Variants in ACADSB observed in about 807,000 individuals in gnomAD.
The protein encoded by ACADSB is acyl-CoA dehydrogenase short/branched chain.
Under a neutral mutation model 54.1 loss-of-function variants are expected in ACADSB, and 40 were observed. That is an observed-to-expected ratio of 0.74 (90% CI 0.57 to 0.96). The LOEUF (loss-of-function observed/expected upper bound fraction) is 0.96, where lower values mean the gene tolerates loss of function less well. Among genes scored for constraint, ACADSB ranks in the 40% least tolerant of loss-of-function variants. The pLI is 0.00. For missense variants in ACADSB, 530 were observed against 510.4 expected (o/e 1.04, Z -0.37); for synonymous variants, 182 against 182.8 (o/e 1.00, Z 0.03).
rs1162914598 is a variant in ACADSB at position 123,041,299 on chromosome 10, C to T, written c.601C>T (p.Leu201Phe). 3 of 1,614,142 alleles carry T rather than the reference C, an allele frequency of 1.9e-6. No homozygotes were observed. In the East Asian group the frequency reaches 6.7e-5, roughly 36 times the overall value. Reference protein sequence around the residue: ...RADKEGDYYVLNGSKMWISSA... With the variant: ...RADKEGDYYVFNGSKMWISSA... ...TGATAAAGAGGGAGATTATTATGTC[C>T]TCAATGGATCAAAGATGTGGATCAG... is the stretch of plus-strand genomic sequence containing the variant. Residue 201 changes from leucine (L) to phenylalanine (F), a missense_variant, in exon 5 of 11, where the codon CTC becomes TTC. Physicochemically the swap from Leu to Phe is conservative, Grantham distance 22. Transcript: ENST00000358776.
chr10:123,028,492 G>A (rs976546061), intron 1 of ACADSB, among the ~76,000 whole-genome samples: 38 of 151,576 alleles, frequency 2.5e-4, no homozygotes, highest in African/African-American at 8.9e-4. Context: ...TAGCAAGACT[G>A]TCTCTACAAA....
chr10:123,038,067 T>C (rs1850423048), intron 3 of ACADSB, among the ~76,000 whole-genome samples: 1 of 152,236 alleles, frequency 6.6e-6, no homozygotes, highest in Non-Finnish European at 1.5e-5. Context: ...GGAAGTAAGA[T>C]GGTAATTTAT....
At chr10:123,048,358 GCCTAGGAA>G (rs969448443) in intron 8 of ACADSB, among the ~76,000 whole-genome samples, 1 of 152,170 alleles carries the variant, frequency 6.6e-6, no homozygotes, top group African/African-American at 2.4e-5. Flanking sequence ...CCCATCTTAT[GCCTAGGAA>G]CCTGAAGCAC....
At chr10:123,036,576 C>A (rs1850401933) in intron 2 of ACADSB, among the ~76,000 whole-genome samples, 1 of 152,050 alleles carries the variant, frequency 6.6e-6, no homozygotes, top group South Asian at 2.1e-4. Flanking sequence ...AGCACAGAAG[C>A]AATAAAGATG....
intron 1 of ACADSB, among the ~76,000 whole-genome samples, chr10:123,015,171 C>T (rs1013848274): frequency 2.6e-5 from 4 of 152,264 alleles, no homozygotes; most frequent in Non-Finnish European, 4.4e-5. Flanking sequence ...ATGTTTACTA[C>T]TCAACACAGA....
chr10:123,018,239 G>A (rs1167931926), intron 1 of ACADSB, among the ~76,000 whole-genome samples: 1 of 152,166 alleles, frequency 6.6e-6, no homozygotes, highest in East Asian at 1.9e-4. Context: ...AAATAGAAGT[G>A]AGTGTCTGGT....
chr10:123,023,186 T>G (rs757988066), intron 1 of ACADSB, among the ~76,000 whole-genome samples: 6 of 152,238 alleles, frequency 3.9e-5, no homozygotes, highest in Non-Finnish European at 1.5e-5. Context: ...TCATTTTGTT[T>G]TGGCTGGGTT....
chr10:123,056,219 C>G lies in ACADSB; in HGVS notation c.*2454C>G. 1 of 178,988 alleles carries G rather than the reference C, an allele frequency of 5.6e-6. No individual in the cohort carries two copies. Among genetic ancestry groups the G allele is most frequent in the South Asian group, 1.3e-4 (1 of 7,466 alleles). 11.1% of individuals were successfully genotyped at this position (178,988 alleles called of 1,614,324 possible). A position where few individuals can be genotyped will look rare whatever the true frequency, so the allele number is the denominator to read the frequency against. ...TTTCACACTGCTGATAAAGACATTC[C>G]TCAAGATTGTGAAGAAAAAGAGGTT... On this transcript the variant is annotated 3_prime_UTR_variant, in exon 11 of 11. Coordinates refer to ENST00000358776, the MANE Select transcript of ACADSB (RefSeq NM_001609.4).
In ACADSB at chr10:123,057,274, T is replaced by C. The variant is rs1473657129; in HGVS notation, c.*3509T>C. The C allele has an allele frequency of 6.6e-6, 1 of 152,246 alleles. No homozygotes were observed. The highest frequency in any genetic ancestry group is 1.5e-5 in the Non-Finnish European group (1 of 68,042). The allele number at this position is 152,246 out of a possible 1,614,324, so 9.4% of individuals were successfully genotyped here. ...GAATTTATATTTATTGATCAAGTTC[T>C]AATTTGTATGTATATTTTGTGCATA... On this transcript the variant is annotated 3_prime_UTR_variant, in exon 11 of 11. Coordinates refer to ENST00000358776, the MANE Select transcript of ACADSB (RefSeq NM_001609.4).
intron 1 of ACADSB, among the ~76,000 whole-genome samples, chr10:123,025,666 G>A (rs1850242019): frequency 6.6e-6 from 1 of 151,846 alleles, no homozygotes. Context: ...TAGAAAAATG[G>A]GCAAAGAACA....
chr10:123,053,194 GT>G, intron 10 of ACADSB, 34 bp downstream of exon 10: 1 of 1,539,492 alleles, frequency 6.5e-7, no homozygotes, highest in South Asian at 1.1e-5. Context: ...ATTTTATTTT[GT>G]TTTATTTGCC....
chr10:123,033,895 C>T (rs1464737627), intron 1 of ACADSB, among the ~76,000 whole-genome samples: 1 of 152,228 alleles, frequency 6.6e-6, no homozygotes, highest in Admixed American at 6.5e-5. Context: ...TGCCTGGGCT[C>T]TCTCAGCACA....
chr10:123,045,159 ATATATATATATATTTTT>A (rs1186020146), intron 7 of ACADSB, among the ~76,000 whole-genome samples: 1 of 12,940 alleles, frequency 7.7e-5, no homozygotes, highest in Non-Finnish European at 1.4e-4. Flanking sequence ...ATATATATAT[ATATATATATATATTTTT>A]TTTTTTTTTT....
chr10:123,009,542 T>C (rs1299925555), intron 1 of ACADSB, among the ~76,000 whole-genome samples: 1 of 152,214 alleles, frequency 6.6e-6, no homozygotes, highest in Non-Finnish European at 1.5e-5. Flanking sequence ...TCCCTGTCCT[T>C]CCTTCCGCGG....
At chr10:123,009,717 C>CT (rs1564743978) in intron 1 of ACADSB, among the ~76,000 whole-genome samples, 2 of 152,200 alleles carry the variant, frequency 1.3e-5, no homozygotes, top group African/African-American at 4.8e-5. Context: ...CTTCCATGAA[C>CT]TTAAGCTGAA....
At chr10:123,038,176 C>T (rs750265715) in intron 3 of ACADSB, among the ~76,000 whole-genome samples, 2 of 152,172 alleles carry the variant, frequency 1.3e-5, no homozygotes, top group African/African-American at 4.8e-5. Flanking sequence ...ACAGCTAAGG[C>T]GTGCTACTGG....
chr10:123,020,124 A>T (rs1273323518), intron 1 of ACADSB, among the ~76,000 whole-genome samples: 2 of 152,222 alleles, frequency 1.3e-5, no homozygotes, highest in Non-Finnish European at 2.9e-5. Context: ...CTGGCTCATT[A>T]AATAGTTAAA....
At chr10:123,032,611 C>T (rs144489677) in intron 1 of ACADSB, among the ~76,000 whole-genome samples, 206 of 112,286 alleles carry the variant, frequency 1.8e-3, no homozygotes, top group African/African-American at 6.6e-3. Flanking sequence ...TTTTTTGAGA[C>T]GGAGTTTCGC....
chr10:123,036,820 G>A (rs976304522), intron 2 of ACADSB, among the ~76,000 whole-genome samples: 1 of 152,134 alleles, frequency 6.6e-6, no homozygotes, highest in Non-Finnish European at 1.5e-5. Context: ...AGTGCAGTTG[G>A]CCAGCTGGAC....
Sources: gnomAD v4.1 joint callset for allele counts (sites outside exome capture counted in the v4.1 genomes callset) on GRCh38, gnomAD v4.1.1 for gene constraint, MANE v1.5 for transcripts, NCBI Gene and HGNC (gene_info 2026-07-23, HGNC 2026-07-21) for gene names.